The following C12orf42 variants were observed in gnomAD, a reference collection of about 807,000 sequenced individuals.
The protein encoded by C12orf42 is chromosome 12 open reading frame 42, also known as uncharacterized protein C12orf42.
C12orf42 carries 25 observed loss-of-function variants against 21.6 expected under a neutral mutation model. That is an observed-to-expected ratio of 1.16 (90% CI 0.84 to 1.62). The LOEUF (loss-of-function observed/expected upper bound fraction) is 1.62. Ranked by LOEUF, C12orf42 falls within the 40% of genes most tolerant of loss-of-function variation. The probability of loss-of-function intolerance (pLI) is 0.00; values close to 1 mark genes in which losing one functional copy is unlikely to be tolerated. For synonymous variants in C12orf42, 174 were observed against 175.0 expected (o/e 0.99, Z 0.05); for missense variants, 483 against 459.3 (o/e 1.05, Z -0.47).
At chr12:103,194,450 A>G in the C12orf42 span, among the ~76,000 whole-genome samples, 1 of 152,206 alleles carries the variant, frequency 6.6e-6, no homozygotes, top group Non-Finnish European at 1.5e-5. Context: ...TGTTAGAACT[A>G]GTAAATAAAT....
At chr12:103,362,815 GA>G in intron 4 of C12orf42, among the ~76,000 whole-genome samples, 1 of 151,912 alleles carries the variant, frequency 6.6e-6, no homozygotes, top group Non-Finnish European at 1.5e-5. Context: ...AAGAATTTTA[GA>G]AAATGAACAA....
At chr12:103,403,658 G>A (rs2048203327) in intron 2 of C12orf42, among the ~76,000 whole-genome samples, 1 of 152,188 alleles carries the variant, frequency 6.6e-6, no homozygotes, top group Non-Finnish European at 1.5e-5. Flanking sequence ...AGCCATGTCT[G>A]CAGGGAGGGG....
chr12:103,175,283 A>T, the C12orf42 span, among the ~76,000 whole-genome samples: 1 of 152,268 alleles, frequency 6.6e-6, no homozygotes, highest in East Asian at 1.9e-4. Context: ...TTGTTTTTTT[A>T]ATAGTGGTGG....
chr12:103,530,709 T>C, the C12orf42 span, among the ~76,000 whole-genome samples: 11 of 151,968 alleles, frequency 7.2e-5, no homozygotes, highest in Non-Finnish European at 1.2e-4. Context: ...GGGAAAGAAT[T>C]TGGGTGCAGA....
At chr12:103,545,914 T>C in the C12orf42 span, among the ~76,000 whole-genome samples, 1 of 152,232 alleles carries the variant, frequency 6.6e-6, no homozygotes, top group Non-Finnish European at 1.5e-5. Context: ...TTTAATGAAC[T>C]TCACTATGGC....
chr12:103,478,275 C>G, intron 2 of C12orf42, 74 bp downstream of exon 2: 1 of 916,170 alleles, frequency 1.1e-6, no homozygotes, highest in Non-Finnish European at 1.7e-6. Context: ...TCAAGAATCA[C>G]AATTAGTGGC....
At chr12:103,294,467 A>AAAGAAAG (rs1566025442) in intron 4 of C12orf42, among the ~76,000 whole-genome samples, 8 of 133,172 alleles carry the variant, frequency 6.0e-5, no homozygotes, top group African/African-American at 2.2e-4. Flanking sequence ...AGAAAGAAAG[A>AAAGAAAG]AAGAAATAAG....
intron 3 of C12orf42, among the ~76,000 whole-genome samples, chr12:103,384,305 C>A (rs146692013): frequency 6.6e-6 from 1 of 152,182 alleles, no homozygotes; most frequent in Non-Finnish European, 1.5e-5. Context: ...AAAAAGGCAA[C>A]TAAATATGGT....
intron 3 of C12orf42, among the ~76,000 whole-genome samples, chr12:103,377,840 T>C (rs568593005): frequency 2.6e-5 from 4 of 152,158 alleles, no homozygotes; most frequent in African/African-American, 9.6e-5. Context: ...AGACTGAAGT[T>C]GGGAGTCACT....
chr12:103,193,014 T>C, the C12orf42 span, among the ~76,000 whole-genome samples: 38 of 152,062 alleles, frequency 2.5e-4, no homozygotes, highest in African/African-American at 8.0e-4. Flanking sequence ...CTTAACAAAT[T>C]TTAAAAGATT....
At chr12:103,501,874 T>C in the C12orf42 span, among the ~76,000 whole-genome samples, 81 of 149,518 alleles carry the variant, frequency 5.4e-4, no homozygotes, top group African/African-American at 2.0e-3. Flanking sequence ...AAAAAAGACA[T>C]TTTTTTAACT....
the C12orf42 span, among the ~76,000 whole-genome samples, chr12:103,068,651 T>C: frequency 1.3e-5 from 2 of 151,964 alleles, no homozygotes; most frequent in Non-Finnish European, 2.9e-5. Context: ...GCTGCCAGCA[T>C]GGCCAGAGCA....
chr12:103,420,570 C>G (rs1296301053), intron 2 of C12orf42, among the ~76,000 whole-genome samples: 1 of 151,706 alleles, frequency 6.6e-6, no homozygotes, highest in Non-Finnish European at 1.5e-5. Context: ...TTTTTTTTTA[C>G]CCAGGCTGGA....
At chr12:103,084,433 G>A in the C12orf42 span, among the ~76,000 whole-genome samples, 1 of 152,122 alleles carries the variant, frequency 6.6e-6, no homozygotes, top group African/African-American at 2.4e-5. Flanking sequence ...TACATGTACA[G>A]AATGTGCAGG....
chr12:103,216,623 C>A, the C12orf42 span, among the ~76,000 whole-genome samples: 1 of 151,990 alleles, frequency 6.6e-6, no homozygotes, highest in Non-Finnish European at 1.5e-5. Flanking sequence ...CGTGATCCAC[C>A]CGCCTCGGCC....
the C12orf42 span, among the ~76,000 whole-genome samples, chr12:103,169,762 A>T: frequency 1.9e-4 from 26 of 138,860 alleles, no homozygotes; most frequent in African/African-American, 6.9e-4. Flanking sequence ...TTGATATGCT[A>T]AAAATAAAAA....
chr12:103,370,114 C>T (rs1162587510), intron 3 of C12orf42, among the ~76,000 whole-genome samples: 1 of 152,038 alleles, frequency 6.6e-6, no homozygotes, highest in Non-Finnish European at 1.5e-5. Context: ...ATGTGGCCAA[C>T]AAGCAAATGA....
downstream of C12orf42, among the ~76,000 whole-genome samples, chr12:103,300,430 T>C (rs751382238): frequency 6.6e-6 from 1 of 152,226 alleles, no homozygotes; most frequent in Non-Finnish European, 1.5e-5. Flanking sequence ...GGGAAACTTC[T>C]TTAGAATACC....
the C12orf42 span, among the ~76,000 whole-genome samples, chr12:103,059,267 A>G: frequency 2.0e-5 from 3 of 152,324 alleles, no homozygotes; most frequent in East Asian, 5.8e-4. Flanking sequence ...CTCTCCCAAG[A>G]CTGAACCAGG....
Sources: gnomAD v4.1 joint callset for allele counts (sites outside exome capture counted in the v4.1 genomes callset) on GRCh38, gnomAD v4.1.1 for gene constraint, MANE v1.5 for transcripts, NCBI Gene and HGNC (gene_info 2026-07-23, HGNC 2026-07-21) for gene names.